Variants in MYO1E observed in about 807,000 individuals in gnomAD.
The protein encoded by MYO1E is myosin IE, also known as unconventional myosin-Ie.
Under a neutral mutation model 151.1 loss-of-function variants are expected in MYO1E, and 68 were observed. That is an observed-to-expected ratio of 0.45 (90% CI 0.37 to 0.55). The LOEUF (loss-of-function observed/expected upper bound fraction) is 0.55. MYO1E is among the 20% of genes least tolerant of loss of function. The pLI is 0.00. For synonymous variants in MYO1E, 601 were observed against 501.7 expected, an observed-to-expected ratio of 1.20 and a Z score of -2.64; for missense variants, 1,363 against 1,389.3, an observed-to-expected ratio of 0.98 and a Z score of 0.30.
intron 1 of MYO1E, among the ~76,000 whole-genome samples, chr15:59,296,881 C>T (rs1171914137): frequency 2.7e-5 from 4 of 148,186 alleles, no homozygotes; most frequent in Non-Finnish European, 4.5e-5. Context: ...GCTCTGTCGC[C>T]CAGGCTGAAG....
chr15:59,199,164 C>T (rs563905282), intron 16 of MYO1E, among the ~76,000 whole-genome samples: 51 of 152,252 alleles, frequency 3.3e-4, no homozygotes, highest in Admixed American at 8.5e-4. Flanking sequence ...GGCATGATCT[C>T]GGCTCACTTG....
chr15:59,296,719 G>A (rs1276195775), intron 1 of MYO1E, among the ~76,000 whole-genome samples: 11 of 152,062 alleles, frequency 7.2e-5, no homozygotes, highest in African/African-American at 2.7e-4. Context: ...GCAGACAACT[G>A]GGTTTTCTGT....
chr15:59,207,238 G>C (rs1473686651), intron 14 of MYO1E: 4 of 1,614,220 alleles, frequency 2.5e-6, no homozygotes, highest in South Asian at 2.2e-5. Flanking sequence ...ACTTGCCCTT[G>C]TGGATCTTGA....
chr15:59,344,427 C>A (rs1391986009), intron 1 of MYO1E, among the ~76,000 whole-genome samples: 1 of 152,062 alleles, frequency 6.6e-6, no homozygotes, highest in African/African-American at 2.4e-5. Flanking sequence ...ACAAAAGCAC[C>A]CCTATGGCCA....
chr15:59,157,573 A>G (rs1479140473), intron 25 of MYO1E, among the ~76,000 whole-genome samples: 1 of 152,030 alleles, frequency 6.6e-6, no homozygotes, highest in African/African-American at 2.4e-5. Context: ...CAGCCTATCC[A>G]TGCTGTGTGT....
At chr15:59,297,464 T>TTTTTTTTTTTTTTGG (rs2080457459) in intron 1 of MYO1E, among the ~76,000 whole-genome samples, 1 of 140,636 alleles carries the variant, frequency 7.1e-6, no homozygotes, top group Non-Finnish European at 1.6e-5. Context: ...TTTTTTTTAG[T>TTTTTTTTTTTTTTGG]AGGGATGGGG....
chr15:59,343,847 C>G (rs1394895942), intron 1 of MYO1E, among the ~76,000 whole-genome samples: 2 of 152,154 alleles, frequency 1.3e-5, no homozygotes, highest in African/African-American at 4.8e-5. Context: ...TCGAGAATTT[C>G]TGCCTGATTC....
At chr15:59,171,601 A>C (rs2079594695) in intron 22 of MYO1E, among the ~76,000 whole-genome samples, 1 of 152,170 alleles carries the variant, frequency 6.6e-6, no homozygotes, top group Admixed American at 6.5e-5. Flanking sequence ...TTATTCTCTG[A>C]GGTGTTCCAT....
At chr15:59,262,401 T>C (rs1222917364) in intron 2 of MYO1E, among the ~76,000 whole-genome samples, 1 of 151,886 alleles carries the variant, frequency 6.6e-6, no homozygotes, top group East Asian at 1.9e-4. Context: ...TGGATCGCTT[T>C]AGGCCAGGAG....
At chr15:59,231,239 A>G (rs138233172) in intron 6 of MYO1E, among the ~76,000 whole-genome samples, 1 of 152,306 alleles carries the variant, frequency 6.6e-6, no homozygotes, top group Non-Finnish European at 1.5e-5. Context: ...AGGGATGGAG[A>G]GGAGGAAGTT....
rs952627024 is a variant in MYO1E, at chr15:59,287,441, C to G, written c.4-14992G>C. Among the ~76,000 whole-genome samples, 4 of 152,308 alleles carry G rather than the reference C, an allele frequency of 2.6e-5. No individual in the cohort carries two copies. In the East Asian group the frequency reaches 7.7e-4, roughly 29 times the overall value. Reference sequence around the variant, plus strand: ...CTCTAGAATGAATTTGCAATAAAAACCAATTTGGAAGATCAGCACGGCTTC... The same window carrying G: ...CTCTAGAATGAATTTGCAATAAAAAGCAATTTGGAAGATCAGCACGGCTTC... On this transcript the variant is annotated intron_variant, in intron 1 of 27. Transcript: ENST00000288235.
At chr15:59,205,616 A>G in intron 14 of MYO1E, 131 bp from the exon 15 acceptor site, 1 of 796,442 alleles carries the variant, frequency 1.3e-6, no homozygotes, top group Non-Finnish European at 2.1e-6. Flanking sequence ...CCTCACCACA[A>G]CATGTGGATT....
Position 59,138,234 on chromosome 15 carries a change from A to G in MYO1E, c.3214T>C (p.Phe1072Leu), listed in dbSNP as rs2079385374. The change falls in exon 27 of 28, where the codon TTT (phenylalanine) becomes CTT (leucine). Residue 1072 changes from phenylalanine to leucine, a missense_variant. Phe to Leu is a conservative substitution (Grantham distance 22). Coordinates refer to ENST00000288235, the MANE Select transcript of MYO1E (RefSeq NM_004998.4). ...YDAQDTDELS[F>L]NANDIIDIIK... ...ATATCAATAATGTCATTGGCATTAA[A>G]GCTGAGTTCGTCTGTGTCCTGAGCG... is the stretch of plus-strand genomic sequence containing the variant. 1.9e-6 allele frequency: 3 copies of G among 1,614,110 alleles called. No individual in the cohort carries two copies. Among genetic ancestry groups the G allele is most frequent in the Non-Finnish European group, 2.5e-6 (3 of 1,180,056 alleles).
intron 1 of MYO1E, among the ~76,000 whole-genome samples, chr15:59,293,647 T>C (rs1206172428): frequency 3.9e-5 from 6 of 152,200 alleles, no homozygotes; most frequent in Non-Finnish European, 2.9e-5. Context: ...CCCTAACATA[T>C]GTACAGTGTT....
intron 1 of MYO1E, among the ~76,000 whole-genome samples, chr15:59,330,586 T>C (rs2080692216): frequency 1.3e-5 from 2 of 152,196 alleles, no homozygotes; most frequent in African/African-American, 4.8e-5. Flanking sequence ...GGTAAATTTC[T>C]AAGCAAACTG....
Position 59,234,822 on chromosome 15 carries a change from CAAAA to C in MYO1E, c.420+1759_420+1762del, listed in dbSNP as rs3053017. Among the ~76,000 whole-genome samples the C allele has an allele frequency of 2.0e-4, 20 of 102,176 alleles. No homozygotes were observed. The East Asian group carries it at 2.1e-3, about 11-fold the overall frequency. 67.0% of individuals were successfully genotyped at this position (102,176 alleles called of 152,430 possible). On this transcript the variant is annotated intron_variant, in intron 5 of 27. Coordinates refer to ENST00000288235, the MANE Select transcript of MYO1E (RefSeq NM_004998.4). ...TGGGTGACAGAGTGAGACCCCATCTCAAAAAAAAAAAAAAAAAAAAGGGAACCAC... is the reference window on the plus strand; with the variant it reads ...TGGGTGACAGAGTGAGACCCCATCTCAAAAAAAAAAAAAAAAGGGAACCAC...
At chr15:59,165,538 C>G (rs1453046852) in intron 22 of MYO1E, among the ~76,000 whole-genome samples, 2 of 152,208 alleles carry the variant, frequency 1.3e-5, no homozygotes, top group Admixed American at 6.5e-5. Flanking sequence ...TAAACCCTGA[C>G]AAGCAGTGGT....
intron 1 of MYO1E, among the ~76,000 whole-genome samples, chr15:59,337,279 T>C (rs1277727109): frequency 4.6e-5 from 7 of 152,328 alleles, no homozygotes; most frequent in Admixed American, 1.3e-4. Context: ...TTCCTAAGTT[T>C]ACTACAGGTA....
At chr15:59,215,831 G>A (rs2079910360) in intron 10 of MYO1E, among the ~76,000 whole-genome samples, 2 of 152,146 alleles carry the variant, frequency 1.3e-5, no homozygotes, top group Non-Finnish European at 2.9e-5. Context: ...GCTGGAAGGT[G>A]CTCTGAACAA....
Sources: gnomAD v4.1 joint callset for allele counts (sites outside exome capture counted in the v4.1 genomes callset) on GRCh38, gnomAD v4.1.1 for gene constraint, MANE v1.5 for transcripts, NCBI Gene and HGNC (gene_info 2026-07-23, HGNC 2026-07-21) for gene names.